Variants in ZGRF1 observed in about 807,000 individuals in gnomAD.
The protein encoded by ZGRF1 is 5'-3' DNA helicase ZGRF1.
ZGRF1 carries 196 observed loss-of-function variants against 203.5 expected under a neutral mutation model. The ratio of observed to expected loss-of-function variants is 0.96; its 90% CI spans 0.86 to 1.08. The LOEUF is 1.08. Among genes scored for constraint, ZGRF1 ranks in the 50% least tolerant of loss-of-function variants. The pLI, the probability that ZGRF1 is intolerant of heterozygous loss-of-function variation, is 0.00. For missense variants in ZGRF1, 2,326 were observed against 2,416.3 expected (o/e 0.96, Z 0.78); for synonymous variants, 809 against 841.3 (o/e 0.96, Z 0.66).
chr4:112,584,229 G>A (rs1423894837), intron 14 of ZGRF1, 55 bp from the exon 15 acceptor site: 15 of 1,255,726 alleles, frequency 1.2e-5, no homozygotes, highest in South Asian at 5.1e-5. Flanking sequence ...TTTATTTTTC[G>A]ATTATTTTTG....
rs774559689 is a variant in ZGRF1, at chr4:112,584,052, A to G, written c.4224T>C (p.Ser1408=). 3 of 1,613,548 alleles carry G rather than the reference A, an allele frequency of 1.9e-6. No individual in the cohort carries two copies. The highest frequency in any genetic ancestry group is 2.5e-6 in the Non-Finnish European group (3 of 1,179,658). Reference sequence around the variant, plus strand: ...AATATAAGCCAATACTCTTAATATCACTTAAAACCATGCCAGGTCGAGCTC... The same window carrying G: ...AATATAAGCCAATACTCTTAATATCGCTTAAAACCATGCCAGGTCGAGCTC... ...QEGARPGMVL[S]DIKSIGLYLR... Residue 1408 remains serine, a synonymous_variant, in exon 15 of 28, where the codon AGT becomes AGC. Coordinates refer to ENST00000505019, the MANE Select transcript of ZGRF1 (RefSeq NM_018392.5).
chr4:112,539,613 T>C lies in ZGRF1; in HGVS notation c.6249A>G (p.Lys2083=), dbSNP rs369850086. 1 of 1,590,834 alleles carries C rather than the reference T, an allele frequency of 6.3e-7. No individual in the cohort carries two copies. The highest frequency in any genetic ancestry group is 1.3e-5 in the African/African-American group (1 of 74,670). ...TTTTCTTCTGTTTTTCTTCCACTTG[T>C]TTTTCAAAATAATCTTTAAGGAGAT... ...LNHLLKDYFE[K]QVEEKQKKKS... Residue 2083 remains lysine, a synonymous_variant, in exon 28 of 28, where the codon AAA becomes AAG. Transcript: ENST00000505019.
In ZGRF1 at chr4:112,587,728, G is replaced by C. The variant is rs201097479; in HGVS notation, c.3329C>G (p.Ser1110Trp). Residue 1110 changes from serine to tryptophan, a missense_variant, in exon 12 of 28, where the codon TCG becomes TGG. Physicochemically the swap from Ser to Trp is radical, Grantham distance 177. Coordinates refer to ENST00000505019, the MANE Select transcript of ZGRF1 (RefSeq NM_018392.5). ...LNLCEKSAVL[S>W]FSIEPEDQNE... The stretch of plus-strand genomic sequence containing the variant: ...TTGGTCCTCAGGCTCAATGCTAAAC[G>C]AAAGAACTGCTGACTTTTCACACAA... The C allele has an allele frequency of 1.6e-5, 25 of 1,575,134 alleles. No homozygotes were observed. In the Middle Eastern group the frequency reaches 5.0e-4, roughly 31 times the overall value.
At chr4:112,548,500 CCATCAGAAATCTTAGGTCAT>C (rs1449824137) in intron 22 of ZGRF1, 120 bp from the exon 23 acceptor site, 12 of 689,846 alleles carry the variant, frequency 1.7e-5, no homozygotes, top group Non-Finnish European at 2.4e-5. Flanking sequence ...TAATTCCTAG[CCATCAGAAATCTTAGGTCAT>C]CGTATCTCCA....
At chr4:112,614,356 A>C (rs2046792422) in intron 6 of ZGRF1, among the ~76,000 whole-genome samples, 1 of 152,246 alleles carries the variant, frequency 6.6e-6, no homozygotes, top group African/African-American at 2.4e-5. Context: ...CTATACTTTC[A>C]TGGTCATTTG....
At chr4:112,626,905 A>G (rs1247032812) in intron 3 of ZGRF1, among the ~76,000 whole-genome samples, 2 of 152,116 alleles carry the variant, frequency 1.3e-5, no homozygotes, top group African/African-American at 2.4e-5. Context: ...TCCCAGATTC[A>G]AGCGATTCTT....
At chr4:112,631,233 T>C (rs1038286238) in intron 3 of ZGRF1, among the ~76,000 whole-genome samples, 1 of 152,164 alleles carries the variant, frequency 6.6e-6, no homozygotes, top group African/African-American at 2.4e-5. Context: ...AACTCCAGGC[T>C]TCAAGCAATC....
At chr4:112,557,556 A>C (rs1741175768) in intron 20 of ZGRF1, among the ~76,000 whole-genome samples, 1 of 152,216 alleles carries the variant, frequency 6.6e-6, no homozygotes, top group Admixed American at 6.5e-5. Flanking sequence ...CACAGGAAGC[A>C]GTATAATCGT....
chr4:112,610,311 C>T (rs536012719), intron 7 of ZGRF1, among the ~76,000 whole-genome samples: 24 of 152,130 alleles, frequency 1.6e-4, no homozygotes, highest in African/African-American at 5.8e-4. Flanking sequence ...AGGCTCATGC[C>T]TATAATCGCA....
At position 112,619,272 on chromosome 4, in the gene ZGRF1, G is replaced by C. The variant is rs1578469144; in HGVS notation, c.770C>G (p.Ala257Gly). The change falls in exon 6 of 28, where the codon GCT becomes GGT. Residue 257 changes from alanine to glycine, a missense_variant. By Grantham distance (60) the Ala-to-Gly change is moderately conservative. Transcript: ENST00000505019. ...ACTAGATGATTCGGACTTCAGAAGAGCTAATATCTGTGCTTTGCTTCTGAT... is the reference window on the plus strand; with the variant it reads ...ACTAGATGATTCGGACTTCAGAAGACCTAATATCTGTGCTTTGCTTCTGAT... ...QNIRSKAQIL[A>G]LLKSESSSSC... The C allele has an allele frequency of 3.1e-6, 5 of 1,613,284 alleles. No homozygotes were observed. Among genetic ancestry groups the C allele is most frequent in the Non-Finnish European group, 4.2e-6 (5 of 1,179,966 alleles).
intron 8 of ZGRF1, among the ~76,000 whole-genome samples, chr4:112,606,516 C>G (rs1264458760): frequency 6.6e-6 from 1 of 152,018 alleles, no homozygotes; most frequent in African/African-American, 2.4e-5. Flanking sequence ...ACAAAATTAG[C>G]CTGGCGTGGT....
intron 23 of ZGRF1, among the ~76,000 whole-genome samples, chr4:112,547,766 G>A (rs1422203201): frequency 6.6e-6 from 1 of 152,082 alleles, no homozygotes; most frequent in Non-Finnish European, 1.5e-5. Context: ...CCTTGTTTTA[G>A]AAGTGAAGTA....
At chr4:112,569,265 C>T (rs914062860) in intron 16 of ZGRF1, among the ~76,000 whole-genome samples, 1 of 152,148 alleles carries the variant, frequency 6.6e-6, no homozygotes, top group South Asian at 2.1e-4. Flanking sequence ...AGTAGGCTGT[C>T]CTAAACAGTT....
At chr4:112,575,789 CTGGG>C (rs1451837349) in intron 16 of ZGRF1, among the ~76,000 whole-genome samples, 2 of 152,198 alleles carry the variant, frequency 1.3e-5, no homozygotes, top group Non-Finnish European at 2.9e-5. Flanking sequence ...GAAGCTCGAA[CTGGG>C]TGGAGCCCAC....
chr4:112,589,843 A>G lies in ZGRF1; in HGVS notation c.3008T>C (p.Leu1003Ser), dbSNP rs574210252. ...CAAAGAAAAGGTAGAAACAGGGCTCAATGTAGAGATGTTTTCTTCTGGTGA... is the reference window on the plus strand; with the variant it reads ...CAAAGAAAAGGTAGAAACAGGGCTCGATGTAGAGATGTTTTCTTCTGGTGA... ...VTSPEENISTLSPVSTFSLNS... is the reference protein window; with the variant it reads ...VTSPEENISTSSPVSTFSLNS... Residue 1003 changes from leucine (L) to serine (S), a missense_variant, in exon 11 of 28, where the codon TTG (leucine) becomes TCG (serine). Coordinates refer to ENST00000505019, the MANE Select transcript of ZGRF1 (RefSeq NM_018392.5). The G allele has an allele frequency of 1.7e-5, 28 of 1,609,234 alleles. No homozygotes were observed. In the East Asian group the frequency reaches 5.4e-4, roughly 31 times the overall value.
At chr4:112,576,023 C>T (rs947838049) in intron 16 of ZGRF1, among the ~76,000 whole-genome samples, 4 of 152,192 alleles carry the variant, frequency 2.6e-5, no homozygotes, top group Admixed American at 2.6e-4. Context: ...CTGGGAGGCA[C>T]CCCCCAGTAG....
chr4:112,607,273 G>GC (rs1035608414), intron 8 of ZGRF1, among the ~76,000 whole-genome samples: 2 of 152,026 alleles, frequency 1.3e-5, no homozygotes, highest in Non-Finnish European at 2.9e-5. Context: ...ACAAGCATGT[G>GC]CCACCATGCC....
chr4:112,630,317 A>G (rs961192271), intron 3 of ZGRF1, among the ~76,000 whole-genome samples: 5 of 152,206 alleles, frequency 3.3e-5, no homozygotes, highest in Admixed American at 2.0e-4. Flanking sequence ...CAGGAGTTCA[A>G]GACCAGCCTG....
chr4:112,615,816 G>A (rs912069875), intron 6 of ZGRF1, among the ~76,000 whole-genome samples: 1 of 149,642 alleles, frequency 6.7e-6, no homozygotes, highest in Non-Finnish European at 1.5e-5. Context: ...TATATTTTTA[G>A]TAGAGACAGG....
Sources: gnomAD v4.1 joint callset for allele counts (sites outside exome capture counted in the v4.1 genomes callset) on GRCh38, gnomAD v4.1.1 for gene constraint, MANE v1.5 for transcripts, NCBI Gene and HGNC (gene_info 2026-07-23, HGNC 2026-07-21) for gene names.